The following WWOX variants were observed in gnomAD, a reference collection of about 807,000 sequenced individuals.
WWOX encodes the protein WW domain containing oxidoreductase.
A neutral mutation model predicts 46.2 loss-of-function variants in WWOX; 69 were observed. That is an observed-to-expected ratio of 1.49 (90% confidence interval 1.23 to 1.82). The LOEUF (loss-of-function observed/expected upper bound fraction) is 1.82. Among genes scored for constraint, WWOX ranks in the 40% most tolerant of loss-of-function variants. WWOX has a pLI of 0.00. For synonymous variants in WWOX, 359 were observed against 202.6 expected, an observed-to-expected ratio of 1.77 and a Z score of -6.56; for missense variants, 919 against 542.6, an observed-to-expected ratio of 1.69 and a Z score of -6.89.
chr16:78,900,905 T>A lies in WWOX; in HGVS notation c.1057-310703T>A, dbSNP rs1274671242. ...TGTGGGAGATGGCTACAATACAGATTCATCCCATATTCTCTTTAATGTTCT... is the reference window on the plus strand; with the variant it reads ...TGTGGGAGATGGCTACAATACAGATACATCCCATATTCTCTTTAATGTTCT... On this transcript the variant is annotated intron_variant, in intron 8 of 8. Transcript: ENST00000566780. 2.0e-5 allele frequency among the ~76,000 whole-genome samples: 3 copies of A among 151,872 alleles called. No homozygotes were observed. The East Asian group carries it at 5.8e-4, about 29-fold the overall frequency.
intron 8 of WWOX, chr16:78,826,078 A>C: frequency 2.7e-6 from 1 of 369,876 alleles, no homozygotes; most frequent in South Asian, 7.6e-5. Context: ...AATATTGTAC[A>C]AAGACAACCG....
intron 8 of WWOX, among the ~76,000 whole-genome samples, chr16:78,997,488 C>T (rs1179932282): frequency 6.6e-6 from 1 of 152,098 alleles, no homozygotes; most frequent in African/African-American, 2.4e-5. Context: ...CTTTCTACTC[C>T]AGATTTTTAT....
chr16:78,816,588 A>T (rs2051336983), intron 8 of WWOX, among the ~76,000 whole-genome samples: 1 of 134,156 alleles, frequency 7.5e-6, no homozygotes, highest in African/African-American at 2.8e-5. Flanking sequence ...GTCTTTAAAA[A>T]TTTTCATCTT....
chr16:78,967,991 A>G (rs533803691), intron 8 of WWOX, among the ~76,000 whole-genome samples: 17 of 152,332 alleles, frequency 1.1e-4, no homozygotes, highest in African/African-American at 3.8e-4. Context: ...ACTATATTAA[A>G]AGAAGATGTA....
intron 5 of WWOX, among the ~76,000 whole-genome samples, chr16:78,351,653 C>T (rs2081186527): frequency 6.6e-6 from 1 of 152,054 alleles, no homozygotes; most frequent in Admixed American, 6.6e-5. Flanking sequence ...CGTGGCTATG[C>T]ATGTGTTTTT....
intron 5 of WWOX, among the ~76,000 whole-genome samples, chr16:78,228,829 G>A (rs936619412): frequency 1.3e-5 from 2 of 152,166 alleles, no homozygotes; most frequent in African/African-American, 4.8e-5. Flanking sequence ...CTGGAGGTGT[G>A]GAAATACTCT....
intron 8 of WWOX, among the ~76,000 whole-genome samples, chr16:79,068,417 G>A (rs903424239): frequency 6.6e-6 from 1 of 151,958 alleles, no homozygotes; most frequent in Non-Finnish European, 1.5e-5. Context: ...GAGTAGCTCT[G>A]TGCTGCCTGA....
chr16:78,567,380 C>G (rs975917666), intron 8 of WWOX, among the ~76,000 whole-genome samples: 7 of 148,122 alleles, frequency 4.7e-5, no homozygotes, highest in African/African-American at 1.5e-4. Flanking sequence ...CCCGTCTCTA[C>G]TAAAAATACA....
intron 4 of WWOX, among the ~76,000 whole-genome samples, chr16:78,148,564 GT>G (rs959833142): frequency 5.3e-5 from 8 of 151,644 alleles, no homozygotes; most frequent in African/African-American, 1.7e-4. Flanking sequence ...ATTTTGTGCT[GT>G]TTTATTTTTC....
intron 3 of WWOX, among the ~76,000 whole-genome samples, chr16:78,111,160 C>T (rs939463960): frequency 4.6e-5 from 7 of 152,108 alleles, no homozygotes; most frequent in African/African-American, 1.7e-4. Context: ...ATGCCTGTAA[C>T]ATAACATCTA....
intron 8 of WWOX, among the ~76,000 whole-genome samples, chr16:78,867,028 C>A (rs897141249): frequency 3.9e-5 from 6 of 152,172 alleles, no homozygotes; most frequent in Non-Finnish European, 5.9e-5. Context: ...TGGGTCTAGT[C>A]CTTCTTGACT....
chr16:78,727,115 C>G (rs1245549109), intron 8 of WWOX, among the ~76,000 whole-genome samples: 1 of 152,114 alleles, frequency 6.6e-6, no homozygotes, highest in African/African-American at 2.4e-5. Context: ...AAAATGAGGC[C>G]CAGTGGGGCA....
At chr16:78,428,081 C>G (rs2083129486) in intron 7 of WWOX, among the ~76,000 whole-genome samples, 1 of 152,030 alleles carries the variant, frequency 6.6e-6, no homozygotes, top group African/African-American at 2.4e-5. Context: ...AAACAAAAAC[C>G]CAAAAAGCAA....
chr16:78,216,423 G>A (rs1297505018), intron 5 of WWOX, among the ~76,000 whole-genome samples: 1 of 152,140 alleles, frequency 6.6e-6, no homozygotes, highest in East Asian at 1.9e-4. Flanking sequence ...CAACACAAAT[G>A]TATTGTCTTT....
At chr16:78,314,525 G>A (rs2151877947) in intron 5 of WWOX, among the ~76,000 whole-genome samples, 1 of 145,734 alleles carries the variant, frequency 6.9e-6, no homozygotes, top group East Asian at 2.0e-4. Context: ...CAATTTGTGG[G>A]GTTTTTTTTT....
intron 8 of WWOX, among the ~76,000 whole-genome samples, chr16:78,540,267 C>T (rs2043860217): frequency 1.3e-5 from 2 of 151,984 alleles, no homozygotes; most frequent in Non-Finnish European, 2.9e-5. Context: ...AATCAAGAAC[C>T]CAGGTGCTTT....
chr16:78,434,871 C>T (rs1305719622), intron 8 of WWOX, among the ~76,000 whole-genome samples: 2 of 152,120 alleles, frequency 1.3e-5, no homozygotes, highest in Non-Finnish European at 1.5e-5. Flanking sequence ...GATCCCATTG[C>T]TTAGGGACTC....
At chr16:78,956,863 A>C (rs1430333014) in intron 8 of WWOX, among the ~76,000 whole-genome samples, 2 of 152,174 alleles carry the variant, frequency 1.3e-5, no homozygotes, top group Non-Finnish European at 2.9e-5. Context: ...AGAGTGTCTC[A>C]AACATGTAGG....
At chr16:78,635,284 C>G (rs1243417895) in intron 8 of WWOX, among the ~76,000 whole-genome samples, 2 of 152,128 alleles carry the variant, frequency 1.3e-5, no homozygotes, top group Admixed American at 1.3e-4. Context: ...GGACAGATGC[C>G]TGGTTGTCCC....
Sources: gnomAD v4.1 joint callset for allele counts (sites outside exome capture counted in the v4.1 genomes callset) on GRCh38, gnomAD v4.1.1 for gene constraint, MANE v1.5 for transcripts, NCBI Gene and HGNC (gene_info 2026-07-23, HGNC 2026-07-21) for gene names.